MN1: variants seen among roughly 807,000 people sequenced by gnomAD.
The protein encoded by MN1 is transcriptional activator MN1.
MN1 carries 19 observed loss-of-function variants against 86.9 expected under a neutral mutation model. The ratio of observed to expected loss-of-function variants is 0.22; its 90% CI spans 0.15 to 0.32. MN1 has a LOEUF of 0.32. Among genes scored for constraint, MN1 ranks in the 10% least tolerant of loss-of-function variants. The pLI is 1.00. For missense variants in MN1, 1,841 were observed against 1,862.0 expected (o/e 0.99, Z 0.21); for synonymous variants, 928 against 849.6 (o/e 1.09, Z -1.60).
At chr22:27,762,391 A>T (rs186069460) in intron 1 of MN1, among the ~76,000 whole-genome samples, 9 of 152,372 alleles carry the variant, frequency 5.9e-5, no homozygotes, top group Admixed American at 6.5e-5. Flanking sequence ...CAATACAAGC[A>T]AAGTGCTTAG....
At chr22:27,779,990 C>T (rs1175783078) in intron 1 of MN1, among the ~76,000 whole-genome samples, 2 of 152,178 alleles carry the variant, frequency 1.3e-5, no homozygotes, top group Admixed American at 6.5e-5. Flanking sequence ...CCTTAGGACC[C>T]CAGCACCCTG....
intron 1 of MN1, among the ~76,000 whole-genome samples, chr22:27,757,896 C>T (rs1932811530): frequency 6.6e-6 from 1 of 152,062 alleles, no homozygotes; most frequent in Admixed American, 6.5e-5. Flanking sequence ...GTCACTCTTC[C>T]CTCCTCCCCA....
intron 1 of MN1, among the ~76,000 whole-genome samples, chr22:27,766,853 T>C (rs543401483): frequency 6.6e-6 from 1 of 152,170 alleles, no homozygotes; most frequent in Non-Finnish European, 1.5e-5. Context: ...ATGGAGTTTG[T>C]AGTACGCTGT....
rs200030766 is a variant in MN1, at chr22:27,800,488, C to T, written c.56G>A (p.Gly19Asp). Residue 19 changes from glycine (G) to aspartate (D), a missense_variant, in exon 1 of 2, where the codon GGC (glycine) becomes GAC (aspartate). Gly to Asp is a moderately conservative substitution (Grantham distance 94, BLOSUM62 -1). Transcript: ENST00000302326. ...TCCGGTCTCGTTAAAGTTCCTCTCG[C>T]CCTGGCCAGCGTTCCTGCTGTTGAC... Reference protein sequence around the residue: ...PQVNSRNAGQGERNFNETGLS... With the variant: ...PQVNSRNAGQDERNFNETGLS... 2,595 of 1,614,214 alleles carry T rather than the reference C, an allele frequency of 1.6e-3. 7 individuals are homozygous for T. The highest frequency in any genetic ancestry group is 7.6e-3 in the Middle Eastern group (46 of 6,062).
At chr22:27,778,722 C>G (rs897895544) in intron 1 of MN1, among the ~76,000 whole-genome samples, 1 of 152,160 alleles carries the variant, frequency 6.6e-6, no homozygotes, top group African/African-American at 2.4e-5. Context: ...AGGTCTGGGA[C>G]GTAAAATCTG....
At position 27,797,917 on chromosome 22, in the gene MN1, G is replaced by A. The variant is rs1230953219; in HGVS notation, c.2627C>T (p.Ser876Leu). Residue 876 changes from serine to leucine, a missense_variant, in exon 1 of 2, where the codon TCG (serine) becomes TTG (leucine). Transcript: ENST00000302326. ...DGAAVAGNPG[S>L]DYFPGGTAPG... ...AGCAGTCCCTCCTGGGAAGTAATCCGAGCCCGGGTTGCCGGCCACTGCCGC... is the reference window on the plus strand; with the variant it reads ...AGCAGTCCCTCCTGGGAAGTAATCCAAGCCCGGGTTGCCGGCCACTGCCGC... 3.1e-6 allele frequency: 5 copies of A among 1,601,122 alleles called. No homozygotes were observed. The highest frequency in any genetic ancestry group is 1.1e-5 in the South Asian group (1 of 89,900).
At position 27,748,632 on chromosome 22, in the gene MN1, A is replaced by T. The variant is rs1247341709; in HGVS notation, c.*2283T>A. 1 of 210,458 alleles carries T rather than the reference A, an allele frequency of 4.8e-6. No individual in the cohort carries two copies. Among genetic ancestry groups the T allele is most frequent in the East Asian group, 7.2e-5 (1 of 13,900 alleles). 13.0% of individuals were successfully genotyped at this position (210,458 alleles called of 1,614,324 possible). On this transcript the variant is annotated 3_prime_UTR_variant, in exon 2 of 2. Coordinates refer to ENST00000302326, the MANE Select transcript of MN1 (RefSeq NM_002430.3). The stretch of plus-strand genomic sequence containing the variant: ...TAGGGTGTGTTTTTCATTTACTTTT[A>T]TTCTTTCCATTAAACCAAATTTAAT...
chr22:27,797,927 T>C lies in MN1; in HGVS notation c.2617A>G (p.Asn873Asp). ...CCTGGGAAGTAATCCGAGCCCGGGT[T>C]GCCGGCCACTGCCGCGCCGTCGGTC... ...NETDGAAVAG[N>D]PGSDYFPGGT... Residue 873 changes from asparagine (N) to aspartate (D), a missense_variant, in exon 1 of 2, where the codon AAC (asparagine) becomes GAC (aspartate). By Grantham distance (23) the Asn-to-Asp change is conservative (BLOSUM62 1). Coordinates refer to ENST00000302326, the MANE Select transcript of MN1 (RefSeq NM_002430.3). The C allele has an allele frequency of 6.3e-7, 1 of 1,599,122 alleles. No individual in the cohort carries two copies.
In MN1 at chr22:27,748,817, A is replaced by T. The variant is rs1162731694; in HGVS notation, c.*2098T>A. On this transcript the variant is annotated 3_prime_UTR_variant, in exon 2 of 2. Coordinates refer to ENST00000302326, the MANE Select transcript of MN1 (RefSeq NM_002430.3). Reference sequence around the variant, plus strand: ...ACTCAACGCTGGGAAAGTCAAAGACAGAAGTTAAGACACTTTGCTCCCCGG... The same window carrying T: ...ACTCAACGCTGGGAAAGTCAAAGACTGAAGTTAAGACACTTTGCTCCCCGG... The T allele has an allele frequency of 4.5e-6, 1 of 224,566 alleles. No homozygotes were observed. The highest frequency in any genetic ancestry group is 2.2e-5 in the African/African-American group (1 of 44,846). 13.9% of individuals were successfully genotyped at this position (224,566 alleles called of 1,614,324 possible). A position where few individuals can be genotyped will look rare whatever the true frequency, so the allele number is the denominator to read the frequency against.
At position 27,800,620 on chromosome 22, in the gene MN1, T is replaced by C; in HGVS notation, c.-77A>G. 6.3e-7 allele frequency: 1 copy of C among 1,599,164 alleles called. No homozygotes were observed. Among genetic ancestry groups the C allele is most frequent in the South Asian group, 1.1e-5 (1 of 89,892 alleles). ...CGGCGCGCCTCCGGCCAGCTACTCG[T>C]TCCAGCCCAGGATTGGGCGCTCCGG... On this transcript the variant is annotated 5_prime_UTR_variant, in exon 1 of 2. Coordinates refer to ENST00000302326, the MANE Select transcript of MN1 (RefSeq NM_002430.3).
At chr22:27,795,235 G>A (rs751293941) in intron 1 of MN1, among the ~76,000 whole-genome samples, 4 of 152,086 alleles carry the variant, frequency 2.6e-5, no homozygotes, top group Admixed American at 6.6e-5. Flanking sequence ...GGCAGTAACC[G>A]CGGAACAAAG....
chr22:27,780,199 C>T (rs901586636), intron 1 of MN1, among the ~76,000 whole-genome samples: 1 of 152,232 alleles, frequency 6.6e-6, no homozygotes, highest in Non-Finnish European at 1.5e-5. Flanking sequence ...GTGCTCCACA[C>T]CCTCCCCTGG....
Position 27,797,043 on chromosome 22 carries a change from G to A in MN1, c.3501C>T (p.Phe1167=), listed in dbSNP as rs775545753. The change falls in exon 1 of 2, where the codon TTC becomes TTT. Residue 1167 remains phenylalanine (F), a synonymous_variant. Coordinates refer to ENST00000302326, the MANE Select transcript of MN1 (RefSeq NM_002430.3). Reference sequence around the variant, plus strand: ...CCAGAGGCTGGTCCTCGGAGATGCTGAACTGCTGCCTCTGTAGCTGGATCT... The same window carrying A: ...CCAGAGGCTGGTCCTCGGAGATGCTAAACTGCTGCCTCTGTAGCTGGATCT... ...QAQIQLQRQQ[F]SISEDQPLGL... 8 of 1,612,468 alleles carry A rather than the reference G, an allele frequency of 5.0e-6. No homozygotes were observed. In the South Asian group the frequency reaches 8.8e-5, roughly 18 times the overall value.
At position 27,800,160 on chromosome 22, in the gene MN1, C is replaced by T; in HGVS notation, c.384G>A (p.Leu128=). 1 of 1,550,762 alleles carries T rather than the reference C, an allele frequency of 6.4e-7. No individual in the cohort carries two copies. ...FGGPDPGASC[L]HGGRLLGYGG... ...CGTAGCCGAGCAGGCGACCCCCGTGCAGGCACGAGGCCCCGGGGTCCGGGC... is the reference window on the plus strand; with the variant it reads ...CGTAGCCGAGCAGGCGACCCCCGTGTAGGCACGAGGCCCCGGGGTCCGGGC... The change falls in exon 1 of 2, where the codon CTG becomes CTA. Residue 128 remains leucine (L), a synonymous_variant. Transcript: ENST00000302326.
intron 1 of MN1, among the ~76,000 whole-genome samples, chr22:27,788,791 G>A (rs1477233089): frequency 1.3e-5 from 2 of 152,056 alleles, no homozygotes; most frequent in Non-Finnish European, 2.9e-5. Context: ...TCCCAAATAG[G>A]ACCAAGAAAA....
Position 27,798,988 on chromosome 22 carries a change from T to G in MN1, c.1556A>C (p.His519Pro). The change falls in exon 1 of 2, where the codon CAC (histidine) becomes CCC (proline). Residue 519 changes from histidine to proline, a missense_variant. Transcript: ENST00000302326. ...GPPLQHPAPD[H>P]QSLQQQQQQQ... is the part of the protein sequence containing the mutation. ...CTGCTGCTGCTGTTGCAGGGACTGG[T>G]GGTCCGGGGCCGGATGCTGCAGGGG... 1 of 1,606,808 alleles carries G rather than the reference T, an allele frequency of 6.2e-7. No homozygotes were observed. Among genetic ancestry groups the G allele is most frequent in the Non-Finnish European group, 8.5e-7 (1 of 1,177,306 alleles).
intron 1 of MN1, among the ~76,000 whole-genome samples, chr22:27,772,013 G>C (rs369685309): frequency 2.0e-5 from 3 of 152,296 alleles, no homozygotes; most frequent in East Asian, 3.9e-4. Flanking sequence ...TCACCTGCTG[G>C]AAAAATCAAT....
At chr22:27,751,716 C>T (rs1009177408) in intron 1 of MN1, among the ~76,000 whole-genome samples, 1 of 152,164 alleles carries the variant, frequency 6.6e-6, no homozygotes, top group Non-Finnish European at 1.5e-5. Flanking sequence ...CCGAGTCACA[C>T]AGGAGAAAGT....
At chr22:27,765,546 C>T (rs1272168830) in intron 1 of MN1, among the ~76,000 whole-genome samples, 1 of 152,224 alleles carries the variant, frequency 6.6e-6, no homozygotes, top group African/African-American at 2.4e-5. Flanking sequence ...TGCAAGGCCT[C>T]TGAGGACCCC....
Sources: allele counts gnomAD v4.1 joint callset (sites outside exome capture counted in the v4.1 genomes callset), GRCh38; gene constraint gnomAD v4.1.1; transcripts MANE v1.5; gene names NCBI Gene and HGNC (gene_info 2026-07-23, HGNC 2026-07-21).